The following RBFOX1 variants were observed in gnomAD, a reference collection of about 807,000 sequenced individuals.
RBFOX1 encodes RNA binding fox-1 homolog 1.
In RBFOX1, 8 loss-of-function variants were observed where a neutral mutation model predicts 57.7. That is an observed-to-expected ratio of 0.14 (90% CI 0.08 to 0.25). RBFOX1 has a LOEUF of 0.25. Among genes scored for constraint, RBFOX1 ranks in the 10% least tolerant of loss-of-function variants. RBFOX1 has a pLI of 1.00. For synonymous variants in RBFOX1, 326 were observed against 222.4 expected (o/e 1.47, Z -4.15); for missense variants, 611 against 548.5 (o/e 1.11, Z -1.14).
At chr16:6,291,557 T>G (rs974765918) in intron 1 of RBFOX1, among the ~76,000 whole-genome samples, 11 of 152,208 alleles carry the variant, frequency 7.2e-5, no homozygotes, top group African/African-American at 2.2e-4. Context: ...TTTTTCTTCC[T>G]CGGTGTAATG....
chr16:6,866,402 T>G (rs2142973232), intron 3 of RBFOX1, among the ~76,000 whole-genome samples: 1 of 152,056 alleles, frequency 6.6e-6, no homozygotes, highest in Non-Finnish European at 1.5e-5. Flanking sequence ...AAATCAAACC[T>G]TATCCATCAT....
chr16:7,454,728 T>C (rs2058130231), intron 4 of RBFOX1, among the ~76,000 whole-genome samples: 1 of 152,156 alleles, frequency 6.6e-6, no homozygotes, highest in African/African-American at 2.4e-5. Context: ...TCCAACCATC[T>C]CTCGATGTAT....
chr16:5,549,106 A>G (rs1268989381), intron 2 of RBFOX1, among the ~76,000 whole-genome samples: 2 of 152,178 alleles, frequency 1.3e-5, no homozygotes, highest in African/African-American at 2.4e-5. Context: ...GCTTCCAAAG[A>G]TGACCCTATG....
chr16:6,357,578 T>G (rs925324175), intron 2 of RBFOX1, among the ~76,000 whole-genome samples: 11 of 152,006 alleles, frequency 7.2e-5, no homozygotes, highest in Middle Eastern at 3.2e-3. Context: ...TCTCTCTCTC[T>G]CTCGCTGTCT....
At position 5,886,967 on chromosome 16, in the gene RBFOX1, A is replaced by G. The variant is rs964298486; in HGVS notation, c.351+19632A>G. Among the ~76,000 whole-genome samples the G allele has an allele frequency of 7.2e-5, 11 of 152,202 alleles. 1 individual carries two copies. The highest frequency in any genetic ancestry group is 2.4e-4 in the African/African-American group (10 of 41,450). On this transcript the variant is annotated intron_variant, in intron 4 of 19. Transcript: ENST00000641259. ...CTTAGACCAGTTTCTCAGCCTCAGC[A>G]CTATTGACATTCTGGGCCAGCCAAT...
intron 3 of RBFOX1, among the ~76,000 whole-genome samples, chr16:6,709,579 A>C (rs1335971627): frequency 6.6e-6 from 1 of 152,182 alleles, no homozygotes; most frequent in Non-Finnish European, 1.5e-5. Flanking sequence ...ACTCATTTCC[A>C]ATGTAAGATT....
At chr16:6,850,364 G>A (rs897207700) in intron 3 of RBFOX1, among the ~76,000 whole-genome samples, 8 of 152,188 alleles carry the variant, frequency 5.3e-5, no homozygotes, top group Non-Finnish European at 8.8e-5. Context: ...GTGTAGTTGG[G>A]AGAGAACCCT....
At chr16:7,089,079 C>T (rs914435734) in intron 4 of RBFOX1, among the ~76,000 whole-genome samples, 2 of 152,110 alleles carry the variant, frequency 1.3e-5, no homozygotes, top group African/African-American at 4.8e-5. Context: ...TCATTTACAC[C>T]CTTGCCCCCT....
intron 1 of RBFOX1, chr16:6,038,278 C>G (rs1352119424): frequency 6.7e-6 from 1 of 150,062 alleles, no homozygotes; most frequent in Non-Finnish European, 1.5e-5. Flanking sequence ...GCCTCCTGGA[C>G]TCAAATGATT....
chr16:7,266,838 CTG>C (rs796746002), intron 4 of RBFOX1, among the ~76,000 whole-genome samples: 23 of 152,206 alleles, frequency 1.5e-4, no homozygotes, highest in African/African-American at 5.3e-4. Context: ...AGTTTGGAAA[CTG>C]TTTTCAGGGA....
intron 1 of RBFOX1, among the ~76,000 whole-genome samples, chr16:6,196,591 C>T (rs570615512): frequency 2.0e-5 from 3 of 152,110 alleles, no homozygotes; most frequent in Non-Finnish European, 2.9e-5. Flanking sequence ...TTGCCTAACT[C>T]GGTCCCTGAA....
intron 3 of RBFOX1, among the ~76,000 whole-genome samples, chr16:6,953,149 C>T (rs1307679214): frequency 6.6e-6 from 1 of 152,074 alleles, no homozygotes; most frequent in Admixed American, 6.6e-5. Flanking sequence ...TGCCTCTTTC[C>T]ACTGAAGGAA....
Position 6,458,507 on chromosome 16 carries a change from T to C in RBFOX1, c.-64+141450T>C, listed in dbSNP as rs73540066. On this transcript the variant is annotated intron_variant, in intron 2 of 15. Coordinates refer to ENST00000550418, the MANE Select transcript of RBFOX1 (RefSeq NM_018723.4). ...TACCAGGTGCTAAATAAGTTGCTTA[T>C]TATTCTCACATCTTCATCACAGTAA... Among the ~76,000 whole-genome samples, 989 of 152,326 alleles carry C rather than the reference T, an allele frequency of 6.5e-3. 17 individuals are homozygous for C. Among genetic ancestry groups the C allele is most frequent in the African/African-American group, 0.023 (939 of 41,558 alleles).
intron 11 of RBFOX1, among the ~76,000 whole-genome samples, chr16:7,652,856 C>T (rs1434683898): frequency 6.6e-6 from 1 of 152,120 alleles, no homozygotes; most frequent in African/African-American, 2.4e-5. Context: ...GTGGTTTGTG[C>T]ACTCATACCA....
chr16:7,623,218 G>A (rs918874006), intron 10 of RBFOX1, among the ~76,000 whole-genome samples: 2 of 152,194 alleles, frequency 1.3e-5, no homozygotes, highest in Non-Finnish European at 2.9e-5. Context: ...TTTGGCACCC[G>A]GGTTGGGTTT....
At chr16:7,670,738 C>A (rs376032408) in intron 13 of RBFOX1, among the ~76,000 whole-genome samples, 1 of 152,096 alleles carries the variant, frequency 6.6e-6, no homozygotes, top group African/African-American at 2.4e-5. Context: ...TTATAGGGTA[C>A]GTCCCTCAGT....
chr16:6,666,552 A>C (rs1045747490), intron 3 of RBFOX1, among the ~76,000 whole-genome samples: 3 of 151,040 alleles, frequency 2.0e-5, no homozygotes, highest in Admixed American at 6.6e-5. Flanking sequence ...AAAAAAAAAA[A>C]AAAAAACAAA....
At chr16:5,976,777 G>T (rs1400785503) in intron 4 of RBFOX1, among the ~76,000 whole-genome samples, 1 of 152,182 alleles carries the variant, frequency 6.6e-6, no homozygotes, top group Non-Finnish European at 1.5e-5. Flanking sequence ...GCTTAGCCAG[G>T]AGAGTTGCTT....
At chr16:5,558,324 A>T (rs1012011318) in intron 2 of RBFOX1, among the ~76,000 whole-genome samples, 11 of 152,042 alleles carry the variant, frequency 7.2e-5, no homozygotes, top group Admixed American at 3.3e-4. Context: ...GTTCTTAGAC[A>T]CCCAACCCTA....
Sources: allele counts gnomAD v4.1 joint callset (sites outside exome capture counted in the v4.1 genomes callset), GRCh38; gene constraint gnomAD v4.1.1; transcripts MANE v1.5; gene names NCBI Gene and HGNC (gene_info 2026-07-23, HGNC 2026-07-21).